Variants in RPS6KC1 observed in about 807,000 individuals in gnomAD.
RPS6KC1 encodes ribosomal protein S6 kinase C1, also known as inactive ribosomal protein S6 kinase delta-1.
A neutral mutation model predicts 103.8 loss-of-function variants in RPS6KC1; 54 were observed. The observed-to-expected ratio is 0.52, with a 90% CI of 0.42 to 0.65. RPS6KC1 has a LOEUF of 0.65. Ranked by LOEUF, RPS6KC1 falls within the 30% of genes least tolerant of loss-of-function variation. The pLI is 0.00. For missense variants in RPS6KC1, 1,151 were observed against 1,253.8 expected (o/e 0.92, Z 1.24); for synonymous variants, 439 against 438.7 (o/e 1.00, Z -0.01).
At chr1:213,639,323 C>T in the RPS6KC1 span, among the ~76,000 whole-genome samples, 7 of 151,934 alleles carry the variant, frequency 4.6e-5, no homozygotes, top group African/African-American at 1.7e-4. Context: ...AATCGATCTG[C>T]CTTTTATTCC....
chr1:213,620,344 G>C, the RPS6KC1 span, among the ~76,000 whole-genome samples: 1 of 152,186 alleles, frequency 6.6e-6, no homozygotes, highest in East Asian at 1.9e-4. Context: ...CACATATCTT[G>C]GTACCTTGGT....
At position 213,241,375 on chromosome 1, in the gene RPS6KC1, T is replaced by C. The variant is rs765697417; in HGVS notation, c.1899T>C (p.Phe633=). The C allele has an allele frequency of 2.5e-6, 4 of 1,613,808 alleles. No individual in the cohort carries two copies. Among genetic ancestry groups the C allele is most frequent in the Non-Finnish European group, 3.4e-6 (4 of 1,179,928 alleles). Residue 633 remains phenylalanine, a synonymous_variant, in exon 11 of 15, where the codon TTT becomes TTC. Coordinates refer to ENST00000366960, the MANE Select transcript of RPS6KC1 (RefSeq NM_012424.6). The stretch of plus-strand genomic sequence containing the variant: ...AATCAGAACCTTTGAAACCATTCTT[T>C]ACTCTTCCAGATGGAGACAGTGCTT... ...SLKSEPLKPF[F]TLPDGDSASR... is the part of the protein sequence containing the mutation.
At chr1:213,706,706 A>G in the RPS6KC1 span, among the ~76,000 whole-genome samples, 1 of 151,580 alleles carries the variant, frequency 6.6e-6, no homozygotes, top group Non-Finnish European at 1.5e-5. Flanking sequence ...CTTGCCCCCC[A>G]CCCGTTGACA....
the RPS6KC1 span, among the ~76,000 whole-genome samples, chr1:213,405,837 C>A: frequency 2.6e-5 from 4 of 152,060 alleles, no homozygotes; most frequent in Non-Finnish European, 5.9e-5. Context: ...CAGTGGCATG[C>A]CATAAGTAGG....
At chr1:213,852,249 C>T in the RPS6KC1 span, among the ~76,000 whole-genome samples, 2 of 152,220 alleles carry the variant, frequency 1.3e-5, no homozygotes, top group African/African-American at 4.8e-5. Context: ...GCATGGCATA[C>T]AGATTCTCTG....
Position 213,262,807 on chromosome 1 carries a change from C to G in RPS6KC1, c.3081C>G (p.Leu1027=). The G allele has an allele frequency of 1.2e-6, 2 of 1,600,212 alleles. No individual in the cohort carries two copies. Among genetic ancestry groups the G allele is most frequent in the Non-Finnish European group, 1.7e-6 (2 of 1,167,284 alleles). ...PECVSEEARS[L]IQQLLQFNPL... ...GTGTCTCTGAAGAGGCTCGCTCACT[C>G]ATTCAACAGGTAATTTAACTGACCT... The change falls in exon 14 of 15, where the codon CTC becomes CTG. Residue 1027 remains leucine, a synonymous_variant. Coordinates refer to ENST00000366960, the MANE Select transcript of RPS6KC1 (RefSeq NM_012424.6).
the RPS6KC1 span, among the ~76,000 whole-genome samples, chr1:213,764,988 A>G: frequency 5.3e-5 from 8 of 152,248 alleles, no homozygotes; most frequent in Admixed American, 1.3e-4. Context: ...TCCATTCTCC[A>G]TGGCCTTTCC....
At chr1:213,854,500 CTCTTTCTTTCTCTTTCTT>C in the RPS6KC1 span, among the ~76,000 whole-genome samples, 1 of 150,102 alleles carries the variant, frequency 6.7e-6, no homozygotes, top group Admixed American at 6.7e-5. Context: ...CCAATATAAT[CTCTTTCTTTCTCTTTCTT>C]TCTTTCTTTC....
chr1:213,104,714 A>T, intron 4 of RPS6KC1, 145 bp downstream of exon 4: 1 of 403,016 alleles, frequency 2.5e-6, no homozygotes, highest in Non-Finnish European at 4.4e-6. Flanking sequence ...TTTATGGCAT[A>T]TTTCCTATTT....
At chr1:213,134,768 T>A (rs2086077202) in intron 6 of RPS6KC1, among the ~76,000 whole-genome samples, 1 of 152,148 alleles carries the variant, frequency 6.6e-6, no homozygotes. Context: ...AAGTTTAGGT[T>A]TGATAAAGGG....
the RPS6KC1 span, among the ~76,000 whole-genome samples, chr1:213,346,734 A>G: frequency 6.6e-6 from 1 of 152,198 alleles, no homozygotes; most frequent in South Asian, 2.1e-4. Flanking sequence ...CTGTATGTGC[A>G]CATGTAAGTA....
At chr1:213,351,008 A>G in the RPS6KC1 span, among the ~76,000 whole-genome samples, 1 of 152,236 alleles carries the variant, frequency 6.6e-6, no homozygotes. Flanking sequence ...TGCTGGGTCT[A>G]CAAAAACATA....
intron 1 of RPS6KC1, among the ~76,000 whole-genome samples, chr1:213,067,259 C>G (rs1465326056): frequency 6.6e-6 from 1 of 152,186 alleles, no homozygotes; most frequent in East Asian, 1.9e-4. Context: ...GCAAAATGAA[C>G]TTTCTAAAGT....
At chr1:213,363,667 T>G in the RPS6KC1 span, among the ~76,000 whole-genome samples, 38 of 100,164 alleles carry the variant, frequency 3.8e-4, 1 homozygote, top group African/African-American at 1.5e-3. Context: ...TCTTTCTTTC[T>G]TTCTTTCTTT....
At chr1:213,680,349 G>A in the RPS6KC1 span, among the ~76,000 whole-genome samples, 1 of 152,172 alleles carries the variant, frequency 6.6e-6, no homozygotes, top group Non-Finnish European at 1.5e-5. Flanking sequence ...GCTGAAAGCT[G>A]CCTTCTGAGT....
At chr1:213,537,769 C>T in the RPS6KC1 span, among the ~76,000 whole-genome samples, 2 of 152,144 alleles carry the variant, frequency 1.3e-5, no homozygotes, top group East Asian at 1.9e-4. Context: ...ATATATACCT[C>T]TGGGAGCTTC....
At chr1:213,824,552 G>T in the RPS6KC1 span, among the ~76,000 whole-genome samples, 1 of 152,180 alleles carries the variant, frequency 6.6e-6, no homozygotes, top group Non-Finnish European at 1.5e-5. Context: ...CCCAAATCTT[G>T]TCTTGAATTC....
At chr1:213,510,692 A>G in the RPS6KC1 span, among the ~76,000 whole-genome samples, 1,654 of 152,078 alleles carry the variant, frequency 0.011, 21 homozygotes, top group African/African-American at 0.038. Context: ...AAACCATTTC[A>G]CTGTTTGACT....
At chr1:213,480,380 T>A in the RPS6KC1 span, among the ~76,000 whole-genome samples, 7,550 of 152,164 alleles carry the variant, frequency 0.05, 604 homozygotes, top group African/African-American at 0.16. Context: ...GCATTTTTGA[T>A]GCAATTGTGA....
Sources: gnomAD v4.1 joint callset for allele counts (sites outside exome capture counted in the v4.1 genomes callset) on GRCh38, gnomAD v4.1.1 for gene constraint, MANE v1.5 for transcripts, NCBI Gene and HGNC (gene_info 2026-07-23, HGNC 2026-07-21) for gene names.